UBR1: variants seen among roughly 807,000 people sequenced by gnomAD.
UBR1 encodes ubiquitin protein ligase E3 component n-recognin 1, also known as E3 ubiquitin-protein ligase UBR1.
A neutral mutation model predicts 242.1 loss-of-function variants in UBR1; 102 were observed. That is an observed-to-expected ratio of 0.42 (90% CI 0.36 to 0.50). The LOEUF is 0.50. Ranked by LOEUF, UBR1 falls within the 20% of genes least tolerant of loss-of-function variation. The pLI is 0.01. For missense variants in UBR1, 1,772 were observed against 2,101.8 expected (o/e 0.84, Z 3.07); for synonymous variants, 675 against 684.8 (o/e 0.99, Z 0.22).
At chr15:42,988,997 T>G (rs2032517069) in intron 34 of UBR1, 30 bp from the exon 35 acceptor site, 3 of 1,567,232 alleles carry the variant, frequency 1.9e-6, no homozygotes, top group African/African-American at 1.4e-5. Context: ...ATTTGTATGA[T>G]TTAGTAAAAG....
chr15:43,092,112 T>C (rs1261174470), intron 1 of UBR1: 1 of 413,606 alleles, frequency 2.4e-6, no homozygotes, highest in African/African-American at 2.1e-5. Context: ...TACTCTTGGC[T>C]GATTTAGGCA....
intron 40 of UBR1, 137 bp from the exon 41 acceptor site, chr15:42,966,423 CA>C (rs1300346575): frequency 7.7e-7 from 1 of 1,299,652 alleles, no homozygotes; most frequent in East Asian, 2.5e-5. Flanking sequence ...ACATTTAAAA[CA>C]AAATATAATC....
rs1295427927 is a variant in UBR1 at position 43,082,620 on chromosome 15, A to C, written c.417+18T>G. 2 of 1,606,184 alleles carry C rather than the reference A, an allele frequency of 1.2e-6. No homozygotes were observed. The highest frequency in any genetic ancestry group is 1.7e-5 in the Admixed American group (1 of 59,982). ...TCAGATTCCTGCTTATTCAGAGGTT[A>C]TGGTTATATTTTCTTACCTTGTAAC... is the stretch of plus-strand genomic sequence containing the variant. On this transcript the variant is annotated intron_variant, in intron 3 of 46. Coordinates refer to ENST00000290650, the MANE Select transcript of UBR1 (RefSeq NM_174916.3).
chr15:43,040,728 G>A (rs1178205763), intron 15 of UBR1, among the ~76,000 whole-genome samples: 2 of 152,142 alleles, frequency 1.3e-5, no homozygotes, highest in African/African-American at 4.8e-5. Context: ...AATCTACAAA[G>A]GACTCAAACA....
chr15:43,077,278 T>C (rs947853889), intron 3 of UBR1, among the ~76,000 whole-genome samples: 51 of 151,978 alleles, frequency 3.4e-4, no homozygotes, highest in African/African-American at 1.2e-3. Context: ...GAAGTAGACA[T>C]GGGAGACTTT....
rs1380630959 is a variant in UBR1, at chr15:43,021,792, A to G, written c.2840-417T>C. Among the ~76,000 whole-genome samples the G allele has an allele frequency of 2.0e-4, 30 of 152,184 alleles. 1 individual carries two copies. Among genetic ancestry groups the G allele is most frequent in the Admixed American group, 1.4e-3 (22 of 15,272 alleles). On this transcript the variant is annotated intron_variant, in intron 26 of 46. Coordinates refer to ENST00000290650, the MANE Select transcript of UBR1 (RefSeq NM_174916.3). ...TCTTCATAATTATGTACAAATTACA[A>G]TTTCTAGTTAATGTTATTTACATTG...
intron 3 of UBR1, 35 bp from the exon 4 acceptor site, chr15:43,075,124 A>G (rs745687283): frequency 9.1e-6 from 13 of 1,430,302 alleles, no homozygotes; most frequent in East Asian, 2.3e-5. Flanking sequence ...CTTGATTTCA[A>G]ACATTTTACT....
Position 43,064,289 on chromosome 15 carries a change from T to G in UBR1, c.798+3609A>C, listed in dbSNP as rs76308889. On this transcript the variant is annotated intron_variant, in intron 6 of 46. Transcript: ENST00000290650. ...TGAAGAAAACAGAGGAAAGCAAACA[T>G]AAGAAATTACAGTTTTTTAAAACTA... 6.0e-3 allele frequency among the ~76,000 whole-genome samples: 910 copies of G among 152,246 alleles called. 10 individuals carry two copies. Among genetic ancestry groups the G allele is most frequent in the African/African-American group, 0.021 (859 of 41,544 alleles).
chr15:42,952,135 G>A, intron 45 of UBR1, 143 bp downstream of exon 45: 1 of 1,022,088 alleles, frequency 9.8e-7, no homozygotes, highest in Admixed American at 1.8e-5. Context: ...CTTCTCAAAT[G>A]CAATTTCATG....
chr15:43,067,306 C>T (rs771151565), intron 6 of UBR1, among the ~76,000 whole-genome samples: 1 of 151,902 alleles, frequency 6.6e-6, no homozygotes, highest in Non-Finnish European at 1.5e-5. Context: ...AGAAAGTTAA[C>T]CACCTATTCT....
At chr15:42,967,424 T>C (rs1036246230) in intron 40 of UBR1, among the ~76,000 whole-genome samples, 2 of 150,790 alleles carry the variant, frequency 1.3e-5, no homozygotes, top group African/African-American at 4.9e-5. Context: ...TTTTTTTTTT[T>C]TTTGTTTAGA....
At chr15:43,028,272 T>A (rs966112559) in intron 21 of UBR1, among the ~76,000 whole-genome samples, 2 of 152,172 alleles carry the variant, frequency 1.3e-5, no homozygotes, top group African/African-American at 4.8e-5. Context: ...TGTCTAGATG[T>A]CCTAATATAT....
chr15:42,984,988 T>C, intron 35 of UBR1, 46 bp from the exon 36 acceptor site: 1 of 1,311,396 alleles, frequency 7.6e-7, no homozygotes, highest in Non-Finnish European at 1.1e-6. Context: ...TGAATAGTGC[T>C]ATAATCATAT....
intron 6 of UBR1, among the ~76,000 whole-genome samples, chr15:43,064,817 G>GA (rs2033733024): frequency 6.6e-6 from 1 of 151,870 alleles, no homozygotes; most frequent in South Asian, 2.1e-4. Context: ...TGATCCGCCC[G>GA]CCTCAGCCTC....
chr15:43,003,039 T>C (rs2032750324), intron 31 of UBR1, among the ~76,000 whole-genome samples: 1 of 152,212 alleles, frequency 6.6e-6, no homozygotes, highest in South Asian at 2.1e-4. Context: ...AGGGCTATCA[T>C]GGAAAAATTA....
At chr15:43,073,431 T>G (rs968860421) in intron 4 of UBR1, among the ~76,000 whole-genome samples, 2 of 152,216 alleles carry the variant, frequency 1.3e-5, no homozygotes, top group Non-Finnish European at 2.9e-5. Context: ...ATTTTTCTAG[T>G]TCTATCATTC....
chr15:43,003,106 TAC>T (rs2032751665), intron 31 of UBR1: 1 of 213,236 alleles, frequency 4.7e-6, no homozygotes, highest in African/African-American at 2.3e-5. Flanking sequence ...TCTCAGGAAT[TAC>T]ATTTTTGAAA....
At chr15:43,099,880 CTTT>C (rs78614852) in intron 1 of UBR1, among the ~76,000 whole-genome samples, 2 of 142,912 alleles carry the variant, frequency 1.4e-5, no homozygotes, top group Admixed American at 7.0e-5. Flanking sequence ...AGAGGTGCCT[CTTT>C]TTTTTTTTTT....
intron 42 of UBR1, among the ~76,000 whole-genome samples, chr15:42,961,502 C>T (rs2032019626): frequency 6.6e-6 from 1 of 150,966 alleles, no homozygotes; most frequent in Non-Finnish European, 1.5e-5. Flanking sequence ...TGGCTCACTG[C>T]AACTTCTGCC....
Sources: gnomAD v4.1 joint callset for allele counts (sites outside exome capture counted in the v4.1 genomes callset) on GRCh38, gnomAD v4.1.1 for gene constraint, MANE v1.5 for transcripts, NCBI Gene and HGNC (gene_info 2026-07-23, HGNC 2026-07-21) for gene names.